The following ARHGAP12 variants were observed in gnomAD, a reference collection of about 807,000 sequenced individuals.
The protein encoded by ARHGAP12 is Rho GTPase activating protein 12, also known as rho GTPase-activating protein 12.
In ARHGAP12, 64 loss-of-function variants were observed where a neutral mutation model predicts 108.6. The ratio of observed to expected loss-of-function variants is 0.59; its 90% CI spans 0.48 to 0.73. The LOEUF (loss-of-function observed/expected upper bound fraction) is 0.73. ARHGAP12 is among the 30% of genes least tolerant of loss of function. ARHGAP12 has a pLI of 0.00. For missense variants in ARHGAP12, 940 were observed against 1,005.9 expected (o/e 0.93, Z 0.89); for synonymous variants, 312 against 337.2 (o/e 0.93, Z 0.82).
intron 3 of ARHGAP12, among the ~76,000 whole-genome samples, chr10:31,874,463 T>C (rs1837651213): frequency 6.6e-6 from 1 of 152,168 alleles, no homozygotes. Flanking sequence ...GTAATCTATT[T>C]TATTAAGTCC....
chr10:31,907,564 G>C (rs910379499), intron 3 of ARHGAP12, among the ~76,000 whole-genome samples: 1 of 151,532 alleles, frequency 6.6e-6, no homozygotes, highest in Non-Finnish European at 1.5e-5. Flanking sequence ...AGCCCAGGAG[G>C]TGAAGGCTGC....
At chr10:31,838,304 A>G (rs1030666996) in intron 9 of ARHGAP12, among the ~76,000 whole-genome samples, 4 of 152,160 alleles carry the variant, frequency 2.6e-5, no homozygotes, top group African/African-American at 9.7e-5. Context: ...GGAAAAGGAA[A>G]TATGAGATGA....
chr10:31,806,389 C>A lies in ARHGAP12; in HGVS notation c.*1269G>T, dbSNP rs1393216240. ...ATACATTTTAAAAATCTTCAACAGA[C>A]CATGCTCCCTGTAACAAAACCTTCC... On this transcript the variant is annotated 3_prime_UTR_variant, in exon 20 of 20. Coordinates refer to ENST00000344936, the MANE Select transcript of ARHGAP12 (RefSeq NM_018287.7). The A allele has an allele frequency of 1.3e-5, 2 of 152,562 alleles. No individual in the cohort carries two copies. 9.5% of individuals were successfully genotyped at this position (152,562 alleles called of 1,614,324 possible). A position where few individuals can be genotyped will look rare whatever the true frequency, so the allele number is the denominator to read the frequency against.
chr10:31,921,551 G>A (rs921471276), intron 1 of ARHGAP12, among the ~76,000 whole-genome samples: 1 of 151,544 alleles, frequency 6.6e-6, no homozygotes. Flanking sequence ...GGATAATGAG[G>A]TCAGGAGTTC....
chr10:31,805,702 AAC>A lies in ARHGAP12; in HGVS notation c.*1954_*1955del, dbSNP rs1246600540. The A allele has an allele frequency of 2.6e-5, 4 of 151,112 alleles. No individual in the cohort carries two copies. Among genetic ancestry groups the A allele is most frequent in the Non-Finnish European group, 4.4e-5 (3 of 67,894 alleles). The allele number at this position is 151,112 out of a possible 1,614,324, so 9.4% of individuals were successfully genotyped here. A position where few individuals can be genotyped will look rare whatever the true frequency, so the allele number is the denominator to read the frequency against. On this transcript the variant is annotated 3_prime_UTR_variant, in exon 20 of 20. Coordinates refer to ENST00000344936, the MANE Select transcript of ARHGAP12 (RefSeq NM_018287.7). ...CACACACACGTACCTTGAAACAAGA[AAC>A]ACAGGACAATTTTAATCTTTGATAT... is the stretch of plus-strand genomic sequence containing the variant.
intron 6 of ARHGAP12, 59 bp from the exon 7 acceptor site, chr10:31,843,645 T>C: frequency 6.7e-7 from 1 of 1,498,688 alleles, no homozygotes; most frequent in East Asian, 2.3e-5. Context: ...GAAATGAAAG[T>C]GGAATCTAAA....
intron 3 of ARHGAP12, among the ~76,000 whole-genome samples, chr10:31,865,648 G>A (rs1015106114): frequency 6.6e-6 from 1 of 151,978 alleles, no homozygotes; most frequent in African/African-American, 2.4e-5. Context: ...GGCTGAAGCC[G>A]GTGGATCACG....
At chr10:31,906,491 T>C (rs1288777622) in intron 3 of ARHGAP12, among the ~76,000 whole-genome samples, 1 of 152,160 alleles carries the variant, frequency 6.6e-6, no homozygotes, top group African/African-American at 2.4e-5. Flanking sequence ...CTATTAACCA[T>C]GTGCTCCCCA....
At chr10:31,848,975 T>G (rs1836568702) in intron 6 of ARHGAP12, among the ~76,000 whole-genome samples, 1 of 151,894 alleles carries the variant, frequency 6.6e-6, no homozygotes, top group Non-Finnish European at 1.5e-5. Context: ...GGAGAATCAC[T>G]TGAACCTGGG....
chr10:31,887,866 C>T (rs376199993), intron 3 of ARHGAP12, among the ~76,000 whole-genome samples: 2 of 152,018 alleles, frequency 1.3e-5, no homozygotes, highest in East Asian at 3.9e-4. Flanking sequence ...ACCATGTTAG[C>T]CAGGATGGTC....
In ARHGAP12 at chr10:31,831,736, T is replaced by G. The variant is rs1194123330; in HGVS notation, c.1448+3A>C. 6.4e-7 allele frequency: 1 copy of G among 1,564,388 alleles called. No individual in the cohort carries two copies. Among genetic ancestry groups the G allele is most frequent in the Non-Finnish European group, 8.8e-7 (1 of 1,138,814 alleles). On this transcript the variant is annotated splice_donor_region_variant and intron_variant, in intron 10 of 19. Transcript: ENST00000344936. The stretch of plus-strand genomic sequence containing the variant: ...TAAGAACATTAAAGACTTGTGTACT[T>G]ACCGAACCTTTTTCCCATTTTCAGC...
At chr10:31,815,534 G>A (rs553852394) in intron 13 of ARHGAP12, among the ~76,000 whole-genome samples, 14 of 152,088 alleles carry the variant, frequency 9.2e-5, no homozygotes, top group Admixed American at 8.5e-4. Context: ...TTCTTCAAGA[G>A]TGTCTTAGGT....
rs560629108 is a variant in ARHGAP12, at chr10:31,895,817, T to C, written c.684+12355A>G. ...ATGTTTATTGCGGCATTATTCACAATAGCAAAGTCTTGGAACCAACCCAAA... is the reference window on the plus strand; with the variant it reads ...ATGTTTATTGCGGCATTATTCACAACAGCAAAGTCTTGGAACCAACCCAAA... On this transcript the variant is annotated intron_variant, in intron 3 of 19. Transcript: ENST00000344936. Among the ~76,000 whole-genome samples, 7 of 152,258 alleles carry C rather than the reference T, an allele frequency of 4.6e-5. No homozygotes were observed. In the East Asian group the frequency reaches 9.6e-4, roughly 21 times the overall value.
At chr10:31,907,633 TAAAA>T (rs201334534) in intron 3 of ARHGAP12, among the ~76,000 whole-genome samples, 2 of 127,650 alleles carry the variant, frequency 1.6e-5, no homozygotes, top group Non-Finnish European at 3.3e-5. Flanking sequence ...GACCTTGTCT[TAAAA>T]AAAAAAAAAA....
intron 10 of ARHGAP12, among the ~76,000 whole-genome samples, chr10:31,827,688 G>A (rs1835668665): frequency 6.6e-6 from 1 of 152,020 alleles, no homozygotes; most frequent in African/African-American, 2.4e-5. Context: ...CTACTCGGGA[G>A]GCTGAGGCAG....
At chr10:31,843,642 A>T in intron 6 of ARHGAP12, 56 bp from the exon 7 acceptor site, 1 of 1,505,666 alleles carries the variant, frequency 6.6e-7, no homozygotes, top group Non-Finnish European at 8.8e-7. Context: ...ATAGAAATGA[A>T]AGTGGAATCT....
chr10:31,832,862 C>G (rs1340869164), intron 9 of ARHGAP12, among the ~76,000 whole-genome samples: 1 of 152,104 alleles, frequency 6.6e-6, no homozygotes, highest in South Asian at 2.1e-4. Context: ...ACAAAGCTGA[C>G]AAACTGCTAT....
At position 31,922,164 on chromosome 10, in the gene ARHGAP12, G is replaced by A. The variant is rs1300366376; in HGVS notation, c.-111+6519C>T. Among the ~76,000 whole-genome samples the A allele has an allele frequency of 7.1e-5, 8 of 112,194 alleles. No individual in the cohort carries two copies. The East Asian group carries it at 2.4e-3, about 34-fold the overall frequency. 73.6% of individuals were successfully genotyped at this position (112,194 alleles called of 152,430 possible). A position where few individuals can be genotyped will look rare whatever the true frequency, so the allele number is the denominator to read the frequency against. On this transcript the variant is annotated intron_variant, in intron 1 of 19. Coordinates refer to ENST00000344936, the MANE Select transcript of ARHGAP12 (RefSeq NM_018287.7). ...CCATTGCACTCCAGCCTGGGAGACAGAGCAAGACCCTGCCTCAAAAAAAAA... is the reference window on the plus strand; with the variant it reads ...CCATTGCACTCCAGCCTGGGAGACAAAGCAAGACCCTGCCTCAAAAAAAAA...
At chr10:31,915,311 G>T (rs548492137) in intron 1 of ARHGAP12, among the ~76,000 whole-genome samples, 1 of 151,890 alleles carries the variant, frequency 6.6e-6, no homozygotes, top group African/African-American at 2.4e-5. Flanking sequence ...GCTTGAACCC[G>T]GGAGGCGGAG....
Sources: gnomAD v4.1 joint callset for allele counts (sites outside exome capture counted in the v4.1 genomes callset) on GRCh38, gnomAD v4.1.1 for gene constraint, MANE v1.5 for transcripts, NCBI Gene and HGNC (gene_info 2026-07-23, HGNC 2026-07-21) for gene names.